PRKX: variants seen among roughly 807,000 people sequenced by gnomAD.
PRKX encodes protein kinase cAMP-dependent X-linked catalytic subunit, also known as cAMP-dependent protein kinase catalytic subunit PRKX.
Under a neutral mutation model 22.0 loss-of-function variants are expected in PRKX, and 12 were observed. The observed-to-expected ratio is 0.54, with a 90% confidence interval of 0.35 to 0.88. The LOEUF (loss-of-function observed/expected upper bound fraction) is 0.88, where lower values mean the gene tolerates loss of function less well. Ranked by LOEUF, PRKX falls within the 40% of genes least tolerant of loss-of-function variation. The pLI, the probability that PRKX is intolerant of heterozygous loss-of-function variation, is 0.01. For missense variants in PRKX, 217 were observed against 308.0 expected, an observed-to-expected ratio of 0.70 and a Z score of 2.21; for synonymous variants, 134 against 137.7, an observed-to-expected ratio of 0.97 and a Z score of 0.19.
chrX:3,701,992 G>C (rs150454593), intron 1 of PRKX, among the ~76,000 whole-genome samples: 1 of 112,308 alleles, frequency 8.9e-6, no homozygotes, highest in South Asian at 3.7e-4. Context: ...TCTGTCTATG[G>C]AGGAGCCATT....
At chrX:3,630,364 T>G (rs1220205472) in intron 4 of PRKX, among the ~76,000 whole-genome samples, 1 of 110,889 alleles carries the variant, frequency 9.0e-6, no homozygotes, top group Non-Finnish European at 1.9e-5. Context: ...ATCGAGACCA[T>G]CCTGGCTAAC....
At chrX:3,658,794 C>A (rs1341828294) in intron 2 of PRKX, among the ~76,000 whole-genome samples, 1 of 110,697 alleles carries the variant, frequency 9.0e-6, no homozygotes, top group Non-Finnish European at 1.9e-5. Flanking sequence ...GAGCTGCACC[C>A]CGCTGGTATA....
chrX:3,671,494 G>A (rs1490114193), intron 2 of PRKX, among the ~76,000 whole-genome samples: 1 of 111,657 alleles, frequency 9.0e-6, no homozygotes, highest in African/African-American at 3.3e-5. Flanking sequence ...TAAATTCCAT[G>A]TAGACTTTAA....
chrX:3,700,895 G>A (rs116686073), intron 1 of PRKX, among the ~76,000 whole-genome samples: 1,631 of 111,382 alleles, frequency 0.015, 39 homozygotes, highest in African/African-American at 0.051. Flanking sequence ...CAGCCACCAA[G>A]CCCAGCCCGA....
At chrX:3,623,726 G>A (rs1337995665) in intron 5 of PRKX, among the ~76,000 whole-genome samples, 1 of 110,824 alleles carries the variant, frequency 9.0e-6, no homozygotes, top group Non-Finnish European at 1.9e-5. Flanking sequence ...CACATCTGCC[G>A]GCACTCTTTT....
intron 3 of PRKX, among the ~76,000 whole-genome samples, chrX:3,650,393 C>T (rs1397832756): frequency 4.8e-5 from 5 of 105,128 alleles, no homozygotes; most frequent in Admixed American, 3.1e-4. Context: ...TGGTGGTGGG[C>T]GCCTGTAGTC....
rs144235942 is a variant in PRKX, at chrX:3,690,300, C to G, written c.167-15534G>C. On this transcript the variant is annotated intron_variant, in intron 1 of 8. Coordinates refer to ENST00000262848, the MANE Select transcript of PRKX (RefSeq NM_005044.5). Reference sequence around the variant, plus strand: ...AGTTTGGTGAGTTCACTGGTCTAGACAGTTGGAAACAAACTCCCTCAAAAT... The same window carrying G: ...AGTTTGGTGAGTTCACTGGTCTAGAGAGTTGGAAACAAACTCCCTCAAAAT... Among the ~76,000 whole-genome samples, 661 of 112,139 alleles carry G rather than the reference C, an allele frequency of 5.9e-3. 3 individuals are homozygous for G. The highest frequency in any genetic ancestry group is 9.3e-3 in the Non-Finnish European group (496 of 53,319).
At position 3,632,299 on chromosome X, in the gene PRKX, G is replaced by T. The variant is rs1041917420; in HGVS notation, c.720-5785C>A. 1.3e-4 allele frequency among the ~76,000 whole-genome samples: 14 copies of T among 111,340 alleles called. No individual in the cohort carries two copies. The South Asian group carries it at 5.4e-3, about 43-fold the overall frequency. On this transcript the variant is annotated intron_variant, in intron 4 of 8. Transcript: ENST00000262848. ...CTGAAAAACCACCCAGGCCAGGCTG[G>T]GAAGCAGAGCTCTGAGTACAGACAC...
chrX:3,700,749 T>TTTGTTGTTG (rs3073363), intron 1 of PRKX, among the ~76,000 whole-genome samples: 49,262 of 105,083 alleles, frequency 0.47, 9,375 homozygotes, highest in African/African-American at 0.52. Flanking sequence ...CAGCTAATTG[T>TTTGTTGTTG]TTGTTGTTGT....
intron 8 of PRKX, 72 bp from the exon 9 acceptor site, chrX:3,609,017 A>G (rs922333481): frequency 1.8e-5 from 2 of 112,360 alleles, no homozygotes; most frequent in Non-Finnish European, 3.8e-5. Context: ...CATCATCTCA[A>G]TGATAATACA....
rs188240206 is a variant in PRKX, at chrX:3,689,283, G to A, written c.167-14517C>T. ...TGGAGGAAATAAGTGTGTGAAACAC[G>A]CAGTTCTTCTTTACGAAGTCGATTT... On this transcript the variant is annotated intron_variant, in intron 1 of 8. Transcript: ENST00000262848. Among the ~76,000 whole-genome samples, 4 of 112,752 alleles carry A rather than the reference G, an allele frequency of 3.5e-5. No homozygotes were observed. The East Asian group carries it at 1.1e-3, about 31-fold the overall frequency.
chrX:3,612,526 C>T (rs1603472836), intron 7 of PRKX, among the ~76,000 whole-genome samples: 1 of 111,736 alleles, frequency 8.9e-6, no homozygotes, highest in East Asian at 2.8e-4. Flanking sequence ...GGGACTCACA[C>T]CTGTAATCCC....
intron 4 of PRKX, among the ~76,000 whole-genome samples, chrX:3,641,239 C>T (rs751080281): frequency 3.6e-5 from 4 of 111,149 alleles, no homozygotes; most frequent in Admixed American, 2.9e-4. Flanking sequence ...GGGTGTGGGT[C>T]GGGACCCCTT....
intron 3 of PRKX, among the ~76,000 whole-genome samples, chrX:3,642,990 G>A (rs1205173309): frequency 1.5e-4 from 12 of 78,770 alleles, no homozygotes; most frequent in Non-Finnish European, 2.5e-4. Context: ...GGGCGACAGA[G>A]TGAGACTCTC....
intron 1 of PRKX, among the ~76,000 whole-genome samples, chrX:3,698,428 C>T (rs781625675): frequency 1.4e-4 from 15 of 111,000 alleles, no homozygotes; most frequent in African/African-American, 4.9e-4. Flanking sequence ...TGAGAGTGAT[C>T]CTCCCACCTC....
chrX:3,644,400 CAAAAAAAA>C (rs752467196), intron 3 of PRKX, among the ~76,000 whole-genome samples: 3 of 37,109 alleles, frequency 8.1e-5, no homozygotes, highest in East Asian at 1.8e-3. Context: ...GACACTGTCT[CAAAAAAAA>C]AAAAAAAAAA....
intron 1 of PRKX, among the ~76,000 whole-genome samples, chrX:3,708,253 G>A (rs1373291766): frequency 2.0e-4 from 22 of 111,419 alleles, no homozygotes; most frequent in Admixed American, 1.2e-3. Flanking sequence ...GTCCCCACCA[G>A]ACACCAAATC....
At chrX:3,677,886 T>C (rs191916323) in intron 1 of PRKX, among the ~76,000 whole-genome samples, 1 of 112,326 alleles carries the variant, frequency 8.9e-6, no homozygotes, top group East Asian at 2.8e-4. Flanking sequence ...TAAATATTTC[T>C]TTAAAAAAAG....
chrX:3,612,045 A>G, intron 8 of PRKX, 132 bp downstream of exon 8: 1 of 549,780 alleles, frequency 1.8e-6, no homozygotes, highest in Non-Finnish European at 2.7e-6. Flanking sequence ...CTTGCAATCA[A>G]TCCCCTTTGC....
Sources: allele counts gnomAD v4.1 joint callset (sites outside exome capture counted in the v4.1 genomes callset), GRCh38; gene constraint gnomAD v4.1.1; transcripts MANE v1.5; gene names NCBI Gene and HGNC (gene_info 2026-07-23, HGNC 2026-07-21).